DDI2: variants seen among roughly 807,000 people sequenced by gnomAD.
DDI2 encodes the protein protein DDI1 homolog 2.
A neutral mutation model predicts 48.1 loss-of-function variants in DDI2; 5 were observed. That is an observed-to-expected ratio of 0.10 (90% CI 0.05 to 0.22). The LOEUF (loss-of-function observed/expected upper bound fraction) is 0.22. Among genes scored for constraint, DDI2 ranks in the 10% least tolerant of loss-of-function variants. The pLI, the probability that DDI2 is intolerant of heterozygous loss-of-function variation, is 1.00. For synonymous variants in DDI2, 205 were observed against 183.6 expected (o/e 1.12, Z -0.94); for missense variants, 285 against 506.2 (o/e 0.56, Z 4.19).
intron 9 of DDI2, among the ~76,000 whole-genome samples, chr1:15,658,356 G>A (rs1259234238): frequency 1.3e-5 from 2 of 151,636 alleles, no homozygotes; most frequent in Non-Finnish European, 1.5e-5. Flanking sequence ...CACCACGTTG[G>A]CCAGGCTGGT....
rs114604644 is a variant in DDI2 at position 15,642,126 on chromosome 1, C to A, written c.761-1396C>A. ...ATCCCATTGGCAAACACAGAGAAAT[C>A]CAAAGTGAGAATTATTTGGGGAGAA... On this transcript the variant is annotated intron_variant, in intron 5 of 9. Coordinates refer to ENST00000480945, the MANE Select transcript of DDI2 (RefSeq NM_032341.5). 8.1e-3 allele frequency among the ~76,000 whole-genome samples: 1,231 copies of A among 152,128 alleles called. 15 individuals carry two copies. The highest frequency in any genetic ancestry group is 0.027 in the African/African-American group (1,121 of 41,490).
chr1:15,661,199 T>A lies in DDI2; in HGVS notation c.*1409T>A. 1.2e-6 allele frequency: 2 copies of A among 1,614,152 alleles called. No homozygotes were observed. The highest frequency in any genetic ancestry group is 1.7e-6 in the Non-Finnish European group (2 of 1,180,014). On this transcript the variant is annotated 3_prime_UTR_variant, in exon 10 of 10. Coordinates refer to ENST00000480945, the MANE Select transcript of DDI2 (RefSeq NM_032341.5). ...ACTGGAAGAGAAGCTGTAGAAAATGTAAACTTCAGGAGTCTAGGTGATGGC... is the reference window on the plus strand; with the variant it reads ...ACTGGAAGAGAAGCTGTAGAAAATGAAAACTTCAGGAGTCTAGGTGATGGC...
At chr1:15,619,334 C>T (rs1639618513) in intron 1 of DDI2, among the ~76,000 whole-genome samples, 1 of 151,848 alleles carries the variant, frequency 6.6e-6, no homozygotes, top group African/African-American at 2.4e-5. Context: ...CCATGTTGAC[C>T]AGGCTGATTT....
chr1:15,621,950 T>C (rs1288065431), intron 1 of DDI2, among the ~76,000 whole-genome samples: 1 of 152,228 alleles, frequency 6.6e-6, no homozygotes, highest in Non-Finnish European at 1.5e-5. Flanking sequence ...AATTGGCTAT[T>C]ACATGGGGTA....
intron 4 of DDI2, 104 bp downstream of exon 4, chr1:15,633,669 G>C (rs945115101): frequency 3.6e-5 from 56 of 1,544,884 alleles, no homozygotes; most frequent in Non-Finnish European, 4.5e-5. Flanking sequence ...TAGCTTCTCT[G>C]TTTTGCAGTT....
At chr1:15,632,231 G>GGT (rs1639857479) in intron 3 of DDI2, among the ~76,000 whole-genome samples, 1 of 152,150 alleles carries the variant, frequency 6.6e-6, no homozygotes, top group African/African-American at 2.4e-5. Context: ...CACCAAAGAT[G>GGT]GTGATGATGG....
At chr1:15,656,546 C>G in intron 8 of DDI2, 71 bp from the exon 9 acceptor site, 1 of 1,613,738 alleles carries the variant, frequency 6.2e-7, no homozygotes, top group Non-Finnish European at 8.5e-7. Flanking sequence ...AGAACGGAAA[C>G]TATAACCCTG....
intron 8 of DDI2, among the ~76,000 whole-genome samples, chr1:15,653,268 ATTTATTTTAT>A (rs1031307657): frequency 1.1e-4 from 15 of 141,340 alleles, no homozygotes; most frequent in African/African-American, 3.4e-4. Context: ...ATTTTATTTT[ATTTATTTTAT>A]TTTATTTTAT....
In DDI2 at chr1:15,660,881, G is replaced by C. The variant is rs544843827; in HGVS notation, c.*1091G>C. The C allele has an allele frequency of 1.9e-5, 31 of 1,614,158 alleles. No homozygotes were observed. In the East Asian group the frequency reaches 6.0e-4, roughly 31 times the overall value. On this transcript the variant is annotated 3_prime_UTR_variant, in exon 10 of 10. Coordinates refer to ENST00000480945, the MANE Select transcript of DDI2 (RefSeq NM_032341.5). Reference sequence around the variant, plus strand: ...TCCTCTCCAAGTCTCTGTGGCAGTTGTCAGCCTTCTGTGGAGTCAGCAGAA... The same window carrying C: ...TCCTCTCCAAGTCTCTGTGGCAGTTCTCAGCCTTCTGTGGAGTCAGCAGAA...
intron 8 of DDI2, among the ~76,000 whole-genome samples, chr1:15,654,468 C>T (rs1173429989): frequency 6.6e-6 from 1 of 152,016 alleles, no homozygotes; most frequent in Non-Finnish European, 1.5e-5. Context: ...GCCTGGGCAA[C>T]ATAGTGAGTC....
intron 2 of DDI2, chr1:15,627,004 C>A (rs1639766754): frequency 8.1e-6 from 5 of 616,652 alleles, no homozygotes; most frequent in Non-Finnish European, 1.1e-5. Context: ...CATAATTAAC[C>A]CCAACTCCTA....
intron 5 of DDI2, among the ~76,000 whole-genome samples, chr1:15,640,927 G>A (rs1156772173): frequency 1.3e-5 from 2 of 152,290 alleles, no homozygotes; most frequent in East Asian, 3.9e-4. Context: ...TGAAGCATCG[G>A]TGGAATTCAG....
At chr1:15,621,204 C>T (rs1226981107) in intron 1 of DDI2, among the ~76,000 whole-genome samples, 1 of 152,100 alleles carries the variant, frequency 6.6e-6, no homozygotes, top group Non-Finnish European at 1.5e-5. Flanking sequence ...GTTATCAGAA[C>T]TTAGCTTCAC....
rs1042054214 is a variant in DDI2 at position 15,667,255 on chromosome 1, A to G, written c.*7465A>G. On this transcript the variant is annotated 3_prime_UTR_variant, in exon 10 of 10. Transcript: ENST00000480945. Reference sequence around the variant, plus strand: ...ATGGAATCAGAGAAACCAACAAAATATGTAACATGTATAAATGCCTGAGGA... The same window carrying G: ...ATGGAATCAGAGAAACCAACAAAATGTGTAACATGTATAAATGCCTGAGGA... 2 of 152,156 alleles carry G rather than the reference A, an allele frequency of 1.3e-5. No homozygotes were observed. Among genetic ancestry groups the G allele is most frequent in the African/African-American group, 4.8e-5 (2 of 41,432 alleles). 9.4% of individuals were successfully genotyped at this position (152,156 alleles called of 1,614,324 possible). A position where few individuals can be genotyped will look rare whatever the true frequency, so the allele number is the denominator to read the frequency against.
At chr1:15,639,908 T>C (rs1290653674) in intron 5 of DDI2, among the ~76,000 whole-genome samples, 1 of 151,828 alleles carries the variant, frequency 6.6e-6, no homozygotes, top group African/African-American at 2.4e-5. Context: ...CGGGGGAGGC[T>C]GAGGTGGGAA....
intron 5 of DDI2, among the ~76,000 whole-genome samples, chr1:15,641,527 A>C (rs1640007360): frequency 6.6e-6 from 1 of 152,146 alleles, no homozygotes; most frequent in Non-Finnish European, 1.5e-5. Context: ...AGATCTGGAA[A>C]ATTCTGTACC....
intron 7 of DDI2, 103 bp downstream of exon 7, chr1:15,649,926 C>A (rs572022404): frequency 3.5e-6 from 4 of 1,145,632 alleles, no homozygotes; most frequent in South Asian, 1.7e-5. Context: ...TAAGAAATAA[C>A]GACTTTTCAA....
In DDI2 at chr1:15,663,477, T is replaced by C. The variant is rs1420652980; in HGVS notation, c.*3687T>C. On this transcript the variant is annotated 3_prime_UTR_variant, in exon 10 of 10. Coordinates refer to ENST00000480945, the MANE Select transcript of DDI2 (RefSeq NM_032341.5). ...GATCCTTTATGTAGTTAGGAAATGG[T>C]TGACAGAAGGAATTGTAGTTTACTG... The C allele has an allele frequency of 6.6e-6, 1 of 152,198 alleles. No homozygotes were observed. The highest frequency in any genetic ancestry group is 6.5e-5 in the Admixed American group (1 of 15,270). The allele number at this position is 152,198 out of a possible 1,614,324, so 9.4% of individuals were successfully genotyped here.
intron 5 of DDI2, among the ~76,000 whole-genome samples, chr1:15,641,889 A>T (rs146782559): frequency 6.9e-6 from 1 of 144,954 alleles, no homozygotes; most frequent in Non-Finnish European, 1.5e-5. Context: ...CAGGAGGTGG[A>T]GCTTGCAGTG....
Sources: gnomAD v4.1 joint callset for allele counts (sites outside exome capture counted in the v4.1 genomes callset) on GRCh38, gnomAD v4.1.1 for gene constraint, MANE v1.5 for transcripts, NCBI Gene and HGNC (gene_info 2026-07-23, HGNC 2026-07-21) for gene names.